DMTF1: variants seen among roughly 807,000 people sequenced by gnomAD.
The protein encoded by DMTF1 is cyclin D binding myb like transcription factor 1.
DMTF1 carries 39 observed loss-of-function variants against 91.1 expected under a neutral mutation model. The observed-to-expected ratio is 0.43, with a 90% CI of 0.33 to 0.56. The LOEUF is 0.56. Ranked by LOEUF, DMTF1 falls within the 20% of genes least tolerant of loss-of-function variation. DMTF1 has a pLI of 0.05. For synonymous variants in DMTF1, 338 were observed against 309.5 expected (o/e 1.09, Z -0.97); for missense variants, 750 against 914.5 (o/e 0.82, Z 2.32).
rs768682172 is a variant in DMTF1, at chr7:87,164,918, A to G, written c.-8-16A>G. The stretch of plus-strand genomic sequence containing the variant: ...ATAATTTTTGAAATCCTGATCTGGA[A>G]TCTGTTCTTGTACAGATTTGAGTAT... On this transcript the variant is annotated splice_polypyrimidine_tract_variant and intron_variant, in intron 2 of 17. Coordinates refer to ENST00000331242, the MANE Select transcript of DMTF1 (RefSeq NM_001142327.2). 2 of 1,481,118 alleles carry G rather than the reference A, an allele frequency of 1.4e-6. No individual in the cohort carries two copies. Among genetic ancestry groups the G allele is most frequent in the South Asian group, 1.3e-5 (1 of 79,362 alleles). 91.7% of individuals were successfully genotyped at this position (1,481,118 alleles called of 1,614,324 possible).
chr7:87,194,708 G>C lies in DMTF1; in HGVS notation c.2053G>C (p.Glu685Gln). The change falls in exon 17 of 18, where the codon GAA becomes CAA. Residue 685 changes from glutamate to glutamine, a missense_variant. Physicochemically the swap from Glu to Gln is conservative, Grantham distance 29 (BLOSUM62 2). This residue lies in a region of DMTF1 where 410 missense variants were observed against 420.2 expected (regional missense o/e 0.98). Transcript: ENST00000331242. The stretch of plus-strand genomic sequence containing the variant: ...GGGTTTAGAGTCTCCCACTATAGAA[G>C]AACAAGTTGATCAAACAATTGATGA... ...TEGLESPTIE[E>Q]QVDQTIDDET... 2 of 1,609,128 alleles carry C rather than the reference G, an allele frequency of 1.2e-6. No homozygotes were observed. Among genetic ancestry groups the C allele is most frequent in the East Asian group, 2.2e-5 (1 of 44,716 alleles).
At chr7:87,190,057 T>G (rs1799393558) in intron 13 of DMTF1, among the ~76,000 whole-genome samples, 1 of 152,044 alleles carries the variant, frequency 6.6e-6, no homozygotes, top group Non-Finnish European at 1.5e-5. Context: ...CAAATCATAT[T>G]TCACATAATT....
chr7:87,181,494 C>A (rs1424168351), intron 9 of DMTF1, among the ~76,000 whole-genome samples, 153 bp downstream of exon 9: 1 of 152,076 alleles, frequency 6.6e-6, no homozygotes, highest in Admixed American at 6.5e-5. Flanking sequence ...ACATCAAATC[C>A]ATTACTTGCA....
At chr7:87,173,285 C>T (rs1795522186) in intron 5 of DMTF1, among the ~76,000 whole-genome samples, 1 of 152,018 alleles carries the variant, frequency 6.6e-6, no homozygotes, top group Admixed American at 6.6e-5. Context: ...CATTTACTTG[C>T]TTAAATGAAG....
intron 7 of DMTF1, among the ~76,000 whole-genome samples, chr7:87,175,410 G>T (rs1288896462): frequency 3.3e-5 from 5 of 152,076 alleles, no homozygotes; most frequent in Admixed American, 2.6e-4. Context: ...TCTTATTCAG[G>T]TTTATTTCTT....
chr7:87,194,222 A>C, intron 16 of DMTF1, 120 bp downstream of exon 16: 108 of 1,135,974 alleles, frequency 9.5e-5, no homozygotes, highest in Non-Finnish European at 1.1e-4. Flanking sequence ...CTCACACCTC[A>C]CAAAGTGTTG....
chr7:87,193,267 C>G lies in DMTF1; in HGVS notation c.1564C>G (p.Pro522Ala). The change falls in exon 15 of 18, where the codon CCC (proline) becomes GCC (alanine). Residue 522 changes from proline to alanine, a missense_variant. Pro to Ala is a conservative substitution (Grantham distance 27). Transcript: ENST00000331242. ...TCAAACAAGCTCAAGCCAAGGCCTT[C>G]CCCTAACTCTGACTGCTAGTCCCAC... ...LLQTSSSQGL[P>A]LTLTASPTVT... The G allele has an allele frequency of 6.2e-7, 1 of 1,613,520 alleles. No homozygotes were observed. Among genetic ancestry groups the G allele is most frequent in the Non-Finnish European group, 8.5e-7 (1 of 1,179,620 alleles).
chr7:87,184,658 A>C (rs11980996), intron 11 of DMTF1, 33 bp downstream of exon 11: 52,982 of 1,584,794 alleles, frequency 0.033, 989 homozygotes, highest in East Asian at 0.058. Context: ...TGACAAAAGC[A>C]ACTTAATTTC....
At chr7:87,186,022 C>A (rs568740945) in intron 12 of DMTF1, 42 bp downstream of exon 12, 1 of 1,607,284 alleles carries the variant, frequency 6.2e-7, no homozygotes, top group Non-Finnish European at 8.5e-7. Context: ...CCTTTTCTTA[C>A]CATATTTACT....
rs1181779801 is a variant in DMTF1, at chr7:87,188,245, C to G, written c.1355C>G (p.Ala452Gly). The stretch of plus-strand genomic sequence containing the variant: ...GTTGCCCGCTTGGAAGATAATACAG[C>G]CATCTCTTCTAGCCCCATGGCAGCA... Reference protein sequence around the residue: ...IRVARLEDNTAISSSPMAALQ... With the variant: ...IRVARLEDNTGISSSPMAALQ... The change falls in exon 13 of 18, where the codon GCC becomes GGC. Residue 452 changes from alanine (A) to glycine (G), a missense_variant. This residue lies in a region of DMTF1 where 410 missense variants were observed against 420.2 expected (regional missense o/e 0.98). Transcript: ENST00000331242. The G allele has an allele frequency of 1.2e-6, 2 of 1,613,988 alleles. No individual in the cohort carries two copies. Among genetic ancestry groups the G allele is most frequent in the South Asian group, 1.1e-5 (1 of 91,084 alleles).
chr7:87,183,855 T>C (rs1797877440), intron 10 of DMTF1, among the ~76,000 whole-genome samples: 1 of 152,212 alleles, frequency 6.6e-6, no homozygotes, highest in African/African-American at 2.4e-5. Flanking sequence ...TACTAATATT[T>C]CATCACAGTA....
In DMTF1 at chr7:87,195,117, G is replaced by C; in HGVS notation, c.2260G>C (p.Glu754Gln). Residue 754 changes from glutamate to glutamine, a missense_variant, in exon 18 of 18, where the codon GAA (glutamate) becomes CAA (glutamine). This residue lies in a region of DMTF1 where 410 missense variants were observed against 420.2 expected (regional missense o/e 0.98). Transcript: ENST00000331242. ...SPVSEDSKDVEDLVNCH is the reference protein window; with the variant it reads ...SPVSEDSKDVQDLVNCH ...TGTTTCAGAAGATTCAAAGGATGTC[G>C]AAGATTTGGTAAACTGTCATTAGAA... 1 of 1,610,792 alleles carries C rather than the reference G, an allele frequency of 6.2e-7. No individual in the cohort carries two copies. Among genetic ancestry groups the C allele is most frequent in the Non-Finnish European group, 8.5e-7 (1 of 1,177,764 alleles).
chr7:87,167,703 C>T (rs1363707422), intron 4 of DMTF1, among the ~76,000 whole-genome samples: 1 of 152,224 alleles, frequency 6.6e-6, no homozygotes, highest in Non-Finnish European at 1.5e-5. Context: ...AATATTGCTT[C>T]CAGTTGTGGC....
chr7:87,182,403 G>C, intron 10 of DMTF1, 66 bp downstream of exon 10: 1 of 1,509,834 alleles, frequency 6.6e-7, no homozygotes, highest in Non-Finnish European at 9.2e-7. Flanking sequence ...TTAGGATACT[G>C]CCTTTTCTTT....
intron 1 of DMTF1, among the ~76,000 whole-genome samples, chr7:87,160,885 A>AATCT (rs1792160994): frequency 6.6e-6 from 1 of 152,168 alleles, no homozygotes; most frequent in Admixed American, 6.5e-5. Flanking sequence ...CTAGAACTGT[A>AATCT]ATCTAGGCTG....
Position 87,162,564 on chromosome 7 carries a change from C to CT in DMTF1, c.-131-929dup, listed in dbSNP as rs1450085805. On this transcript the variant is annotated intron_variant, in intron 1 of 17. Coordinates refer to ENST00000331242, the MANE Select transcript of DMTF1 (RefSeq NM_001142327.2). The stretch of plus-strand genomic sequence containing the variant: ...TGGGAAGTTTATGGATGATTTTAAC[C>CT]TTCTTTTTTTTACTTTTTTACATTT... Among the ~76,000 whole-genome samples, 570 of 152,140 alleles carry CT rather than the reference C, an allele frequency of 3.7e-3. 2 individuals carry two copies. Among genetic ancestry groups the CT allele is most frequent in the African/African-American group, 0.013 (524 of 41,496 alleles).
intron 13 of DMTF1, among the ~76,000 whole-genome samples, chr7:87,190,095 A>C (rs1163704173): frequency 6.6e-6 from 1 of 152,096 alleles, no homozygotes; most frequent in Admixed American, 6.6e-5. Context: ...GCAAGCGCCA[A>C]AAAAGATGAC....
intron 4 of DMTF1, among the ~76,000 whole-genome samples, chr7:87,167,450 G>A (rs546352288): frequency 2.0e-5 from 3 of 152,320 alleles, no homozygotes; most frequent in African/African-American, 7.2e-5. Context: ...GCAACACATG[G>A]CTGTTGGCAC....
intron 2 of DMTF1, among the ~76,000 whole-genome samples, chr7:87,164,688 C>T (rs1793389697): frequency 6.6e-6 from 1 of 152,086 alleles, no homozygotes; most frequent in South Asian, 2.1e-4. Flanking sequence ...TAAAGTATTA[C>T]AAATGTTGTA....
Sources: allele counts gnomAD v4.1 joint callset (sites outside exome capture counted in the v4.1 genomes callset), GRCh38; gene constraint gnomAD v4.1.1; regional missense constraint gnomAD v4.1.1; transcripts MANE v1.5; gene names NCBI Gene and HGNC (gene_info 2026-07-23, HGNC 2026-07-21).